FNIP1: variants seen among roughly 807,000 people sequenced by gnomAD.
The protein encoded by FNIP1 is folliculin interacting protein 1.
In FNIP1, 40 loss-of-function variants were observed where a neutral mutation model predicts 124.5. The observed-to-expected ratio is 0.32, with a 90% CI of 0.25 to 0.42. The LOEUF is 0.42. Ranked by LOEUF, FNIP1 falls within the 10% of genes least tolerant of loss-of-function variation. The pLI is 1.00. For missense variants in FNIP1, 1,176 were observed against 1,403.7 expected, an observed-to-expected ratio of 0.84 and a Z score of 2.59; for synonymous variants, 472 against 470.6, an observed-to-expected ratio of 1.00 and a Z score of -0.04.
chr5:131,715,635 A>G (rs32115), intron 6 of FNIP1, among the ~76,000 whole-genome samples: 119,400 of 152,110 alleles, frequency 0.78, 47,109 homozygotes, highest in African/African-American at 0.83. Flanking sequence ...AAGTAATCAA[A>G]CGAGTTAAGA....
chr5:131,781,422 G>A (rs1771992921), intron 1 of FNIP1, among the ~76,000 whole-genome samples: 1 of 152,222 alleles, frequency 6.6e-6, no homozygotes, highest in African/African-American at 2.4e-5. Context: ...ATCAATGCCT[G>A]GCTTCCAAGC....
intron 3 of FNIP1, among the ~76,000 whole-genome samples, chr5:131,724,240 G>A (rs970778734): frequency 2.0e-5 from 3 of 152,134 alleles, no homozygotes; most frequent in Admixed American, 6.5e-5. Flanking sequence ...TGGGATTGCT[G>A]GGTCAACTGG....
chr5:131,786,427 C>A (rs1003940203), intron 1 of FNIP1, among the ~76,000 whole-genome samples: 5 of 152,148 alleles, frequency 3.3e-5, no homozygotes, highest in Admixed American at 2.0e-4. Context: ...TAAAATACGT[C>A]ACATCCAAAG....
intron 15 of FNIP1, among the ~76,000 whole-genome samples, chr5:131,663,653 ATTGT>A (rs1767511804): frequency 6.6e-6 from 1 of 152,186 alleles, no homozygotes; most frequent in Non-Finnish European, 1.5e-5. Context: ...ACTTTTACTA[ATTGT>A]TTGTCTGTTC....
At chr5:131,695,373 A>T (rs1213780622) in intron 11 of FNIP1, among the ~76,000 whole-genome samples, 1 of 152,184 alleles carries the variant, frequency 6.6e-6, no homozygotes, top group African/African-American at 2.4e-5. Context: ...AGAAATAGAC[A>T]ATATAAGAGA....
chr5:131,678,400 T>C (rs1767971784), intron 12 of FNIP1, among the ~76,000 whole-genome samples: 2 of 152,094 alleles, frequency 1.3e-5, no homozygotes, highest in Non-Finnish European at 1.5e-5. Context: ...ACCATTTCCT[T>C]ATATGTTTTT....
chr5:131,757,951 T>G (rs1046929426), intron 1 of FNIP1, among the ~76,000 whole-genome samples: 8 of 152,210 alleles, frequency 5.3e-5, no homozygotes, highest in African/African-American at 1.9e-4. Flanking sequence ...CAAAATTATC[T>G]GGGAAGACAT....
intron 5 of FNIP1, among the ~76,000 whole-genome samples, chr5:131,716,996 T>C (rs1462770226): frequency 6.6e-6 from 1 of 151,644 alleles, no homozygotes; most frequent in Non-Finnish European, 1.5e-5. Context: ...ATATTTTTTT[T>C]TATTATTATA....
rs556750082 is a variant in FNIP1 at position 131,664,561 on chromosome 5, G to C, written c.3108+5902C>G. ...TGAGATGGGAGATTGCTTGAGCCCAGGAGTTCAAGGCTCCAGTAAGCCATG... is the reference window on the plus strand; with the variant it reads ...TGAGATGGGAGATTGCTTGAGCCCACGAGTTCAAGGCTCCAGTAAGCCATG... On this transcript the variant is annotated intron_variant, in intron 15 of 17. Transcript: ENST00000510461. 8.6e-4 allele frequency among the ~76,000 whole-genome samples: 126 copies of C among 146,692 alleles called. No individual in the cohort carries two copies. The East Asian group carries it at 9.3e-3, about 11-fold the overall frequency.
chr5:131,782,347 G>A (rs1446361864), intron 1 of FNIP1, among the ~76,000 whole-genome samples: 5 of 152,068 alleles, frequency 3.3e-5, no homozygotes, highest in South Asian at 4.1e-4. Flanking sequence ...CCAGGAGTTC[G>A]AGACCAACCT....
intron 6 of FNIP1, 118 bp from the exon 7 acceptor site, chr5:131,710,779 A>G: frequency 1.5e-6 from 1 of 650,820 alleles, no homozygotes. Context: ...ATGGATGGAA[A>G]CTTTTAAACT....
intron 1 of FNIP1, among the ~76,000 whole-genome samples, chr5:131,771,186 C>T (rs954943451): frequency 3.3e-5 from 5 of 152,026 alleles, no homozygotes; most frequent in Admixed American, 6.5e-5. Context: ...AAGATGTAAC[C>T]CCAAGGAAAA....
At chr5:131,762,748 T>C (rs1396248526) in intron 1 of FNIP1, among the ~76,000 whole-genome samples, 1 of 152,110 alleles carries the variant, frequency 6.6e-6, no homozygotes, top group East Asian at 1.9e-4. Context: ...CTGCTAAGCA[T>C]ATACCCAAAA....
rs772382843 is a variant in FNIP1 at position 131,647,134 on chromosome 5, C to T, written c.3378G>A (p.Arg1126=). 6.2e-7 allele frequency: 1 copy of T among 1,614,130 alleles called. No homozygotes were observed. ...CCTTGACATGAACACGCATCTGCCC[C>T]CTCAGGTATTCAGACAGCATTTTAC... ...FKSKMLSEYL[R]GQMRVHVKEL... Residue 1126 remains arginine (R), a synonymous_variant, in exon 17 of 18, where the codon AGG becomes AGA. Transcript: ENST00000510461.
At chr5:131,748,348 A>C (rs948431767) in intron 1 of FNIP1, among the ~76,000 whole-genome samples, 2 of 152,168 alleles carry the variant, frequency 1.3e-5, no homozygotes, top group African/African-American at 2.4e-5. Flanking sequence ...ACTGTCAGTC[A>C]TATGAAGGTA....
At chr5:131,644,826 G>A in intron 17 of FNIP1, 63 bp from the exon 18 acceptor site, 3 of 1,505,046 alleles carry the variant, frequency 2.0e-6, no homozygotes, top group East Asian at 4.5e-5. Flanking sequence ...GAACTCTACA[G>A]GCAATGACCA....
intron 15 of FNIP1, among the ~76,000 whole-genome samples, chr5:131,653,680 A>G (rs1335800217): frequency 1.3e-5 from 2 of 152,256 alleles, no homozygotes; most frequent in Non-Finnish European, 2.9e-5. Context: ...CAAGAACGTT[A>G]AGAGTATGAA....
At chr5:131,768,138 A>G (rs193012537) in intron 1 of FNIP1, among the ~76,000 whole-genome samples, 4 of 152,318 alleles carry the variant, frequency 2.6e-5, no homozygotes, top group Admixed American at 2.6e-4. Flanking sequence ...AAATTCATTT[A>G]TATTTATTGT....
chr5:131,677,748 T>C lies in FNIP1; in HGVS notation c.1474A>G (p.Met492Val), dbSNP rs1767952576. 6.2e-7 allele frequency: 1 copy of C among 1,614,154 alleles called. No homozygotes were observed. Among genetic ancestry groups the C allele is most frequent in the Non-Finnish European group, 8.5e-7 (1 of 1,180,010 alleles). ...LEKHSSQSVD[M>V]LAKTHPYNPL... Reference sequence around the variant, plus strand: ...TTATATGGATGAGTCTTTGCCAACATGTCCACACTCTGAGAGGAATGCTTT... The same window carrying C: ...TTATATGGATGAGTCTTTGCCAACACGTCCACACTCTGAGAGGAATGCTTT... Residue 492 changes from methionine (M) to valine (V), a missense_variant, in exon 13 of 18, where the codon ATG (methionine) becomes GTG (valine). Around this residue, in one of 2 missense-constraint regions of FNIP1, gnomAD observed 1,109 missense variants for 1,288.5 expected, o/e 0.86. Transcript: ENST00000510461.
Sources: allele counts gnomAD v4.1 joint callset (sites outside exome capture counted in the v4.1 genomes callset), GRCh38; gene constraint gnomAD v4.1.1; regional missense constraint gnomAD v4.1.1; transcripts MANE v1.5; gene names NCBI Gene and HGNC (gene_info 2026-07-23, HGNC 2026-07-21).